The following JPT2 variants were observed in gnomAD, a reference collection of about 807,000 sequenced individuals.
JPT2 encodes Jupiter microtubule associated homolog 2.
Under a neutral mutation model 15.9 loss-of-function variants are expected in JPT2, and 9 were observed. The observed-to-expected ratio is 0.57, with a 90% CI of 0.34 to 0.99. JPT2 has a LOEUF of 0.99. JPT2 is among the 50% of genes least tolerant of loss of function. The pLI, the probability that JPT2 is intolerant of heterozygous loss-of-function variation, is 0.02. For missense variants in JPT2, 267 were observed against 252.1 expected (o/e 1.06, Z -0.40); for synonymous variants, 95 against 91.7 (o/e 1.04, Z -0.21).
chr16:1,683,191 T>G (rs1261116126), intron 1 of JPT2, among the ~76,000 whole-genome samples: 2 of 152,156 alleles, frequency 1.3e-5, no homozygotes, highest in Non-Finnish European at 2.9e-5. Context: ...TTAGCCAGGA[T>G]GGTCTCGATC....
Position 1,700,800 on chromosome 16 carries a change from T to C in JPT2, c.*1802T>C, listed in dbSNP as rs535440568. On this transcript the variant is annotated 3_prime_UTR_variant, in exon 5 of 5. Transcript: ENST00000248098. ...AATGATTCACGAATTCCAAATCAGA[T>C]TGCCAGGAAGAAATAGGACGTGACG... The C allele has an allele frequency of 2.6e-5, 4 of 152,584 alleles. No individual in the cohort carries two copies. In the East Asian group the frequency reaches 5.8e-4, roughly 22 times the overall value. 9.5% of individuals were successfully genotyped at this position (152,584 alleles called of 1,614,324 possible).
In JPT2 at chr16:1,698,531, T is replaced by A. The variant is rs922548873; in HGVS notation, c.386-280T>A. 2.0e-5 allele frequency among the ~76,000 whole-genome samples: 3 copies of A among 152,180 alleles called. No homozygotes were observed. Among genetic ancestry groups the A allele is most frequent in the African/African-American group, 7.2e-5 (3 of 41,448 alleles). ...TGAGATGGAAGAAATGGGAGTGGTG[T>A]CTAACAAGCAATATAAAGAAACAAT... On this transcript the variant is annotated intron_variant, in intron 4 of 4. Coordinates refer to ENST00000248098, the MANE Select transcript of JPT2 (RefSeq NM_144570.3). This position sits in a 1 kb window ranked among gnomAD's most constrained non-coding sequence, Gnocchi z 4.9.
intron 2 of JPT2, chr16:1,689,086 G>A (rs1241333593): frequency 3.3e-5 from 5 of 152,204 alleles, no homozygotes; most frequent in Admixed American, 3.3e-4. Context: ...TGTCTGCCTT[G>A]TAGTTATTTG....
chr16:1,678,391 G>C (rs1017548198), intron 1 of JPT2, 35 bp downstream of exon 1: 33 of 1,227,246 alleles, frequency 2.7e-5, no homozygotes, highest in Non-Finnish European at 3.3e-5. Flanking sequence ...CGGGCGGATA[G>C]CGCGACCACG....
chr16:1,695,356 G>T (rs1468068297), intron 3 of JPT2, among the ~76,000 whole-genome samples: 2 of 151,032 alleles, frequency 1.3e-5, no homozygotes, highest in African/African-American at 2.4e-5. Context: ...AGTGAGCTGA[G>T]ATCGTGCTAT....
At position 1,700,081 on chromosome 16, in the gene JPT2, T is replaced by C. The variant is rs911496727; in HGVS notation, c.*1083T>C. On this transcript the variant is annotated 3_prime_UTR_variant, in exon 5 of 5. Coordinates refer to ENST00000248098, the MANE Select transcript of JPT2 (RefSeq NM_144570.3). Reference sequence around the variant, plus strand: ...TTTCTGACACCTTTCCAGAAAAAAGTCAATTGTTCAGGTACACCAAAGAGG... The same window carrying C: ...TTTCTGACACCTTTCCAGAAAAAAGCCAATTGTTCAGGTACACCAAAGAGG... 1.4e-5 allele frequency: 6 copies of C among 443,852 alleles called. No individual in the cohort carries two copies. Among genetic ancestry groups the C allele is most frequent in the Non-Finnish European group, 2.8e-5 (6 of 217,994 alleles). 27.5% of individuals were successfully genotyped at this position (443,852 alleles called of 1,614,324 possible). A position where few individuals can be genotyped will look rare whatever the true frequency, so the allele number is the denominator to read the frequency against.
rs2037011841 is a variant in JPT2 at position 1,680,298 on chromosome 16, A to G, written c.44+1942A>G. 3 of 993,888 alleles carry G rather than the reference A, an allele frequency of 3.0e-6. No homozygotes were observed. The African/African-American group carries it at 5.2e-5, about 17-fold the overall frequency. The allele number at this position is 993,888 out of a possible 1,614,324, so 61.6% of individuals were successfully genotyped here. ...CCTGGCACTGGCTGCCCGGTAAATG[A>G]TGGTGTTTATTATCACCCTGAGCGA... On this transcript the variant is annotated intron_variant, in intron 1 of 4. Transcript: ENST00000248098.
chr16:1,679,777 A>G (rs900443098), intron 1 of JPT2, among the ~76,000 whole-genome samples: 3 of 151,040 alleles, frequency 2.0e-5, no homozygotes, highest in African/African-American at 4.9e-5. Context: ...TACCCGTGGC[A>G]GGGTGCAGTG....
At chr16:1,681,235 C>T (rs890038493) in intron 1 of JPT2, among the ~76,000 whole-genome samples, 1 of 152,166 alleles carries the variant, frequency 6.6e-6, no homozygotes, top group African/African-American at 2.4e-5. Flanking sequence ...ACGCTCAGTT[C>T]CATTCATCCG....
intron 1 of JPT2, among the ~76,000 whole-genome samples, chr16:1,679,675 C>G (rs1433628738): frequency 6.9e-6 from 1 of 144,310 alleles, no homozygotes; most frequent in Non-Finnish European, 1.5e-5. Context: ...CCAGCCTGTA[C>G]GACAGAGCAA....
chr16:1,691,838 T>C lies in JPT2; in HGVS notation c.194-5T>C. 1 of 1,612,822 alleles carries C rather than the reference T, an allele frequency of 6.2e-7. No homozygotes were observed. The highest frequency in any genetic ancestry group is 1.1e-5 in the South Asian group (1 of 91,012). On this transcript the variant is annotated splice_polypyrimidine_tract_variant and splice_region_variant and intron_variant, in intron 2 of 4. Coordinates refer to ENST00000248098, the MANE Select transcript of JPT2 (RefSeq NM_144570.3). ...TTGCTCAGTGTTCTGTGATCGTTTC[T>C]GCAGGGGGTAAAGGAAGTGGTATCT...
chr16:1,681,386 G>A (rs1309883489), intron 1 of JPT2, among the ~76,000 whole-genome samples: 14 of 152,270 alleles, frequency 9.2e-5, no homozygotes, highest in Admixed American at 9.1e-4. Flanking sequence ...ACCGTCTTTG[G>A]TACCACTTTT....
chr16:1,699,204 A>C lies in JPT2; in HGVS notation c.*206A>C. 3.4e-6 allele frequency: 2 copies of C among 596,688 alleles called. No homozygotes were observed. Among genetic ancestry groups the C allele is most frequent in the East Asian group, 3.6e-5 (1 of 27,998 alleles). The allele number at this position is 596,688 out of a possible 1,614,324, so 37.0% of individuals were successfully genotyped here. A position where few individuals can be genotyped will look rare whatever the true frequency, so the allele number is the denominator to read the frequency against. ...TGGGAGATGCCTCTGTGGGGATGAA[A>C]TGGGGCACCCCTGGCCATCACTCAT... On this transcript the variant is annotated 3_prime_UTR_variant, in exon 5 of 5. Coordinates refer to ENST00000248098, the MANE Select transcript of JPT2 (RefSeq NM_144570.3).
intron 1 of JPT2, among the ~76,000 whole-genome samples, chr16:1,678,942 C>T (rs929005441): frequency 6.6e-6 from 1 of 152,214 alleles, no homozygotes; most frequent in Non-Finnish European, 1.5e-5. Flanking sequence ...TGGAAAGTGC[C>T]AGGGCGTCTG....
At chr16:1,683,414 C>T in intron 1 of JPT2, 6 of 598,110 alleles carry the variant, frequency 1.0e-5, no homozygotes, top group African/African-American at 1.9e-5. Flanking sequence ...CCCGGACAGC[C>T]CTTTCTCATT....
Position 1,699,317 on chromosome 16 carries a change from C to T in JPT2, c.*319C>T, listed in dbSNP as rs1259204341. 1 of 546,982 alleles carries T rather than the reference C, an allele frequency of 1.8e-6. No individual in the cohort carries two copies. The highest frequency in any genetic ancestry group is 2.7e-4 in the Middle Eastern group (1 of 3,642). 33.9% of individuals were successfully genotyped at this position (546,982 alleles called of 1,614,324 possible). The stretch of plus-strand genomic sequence containing the variant: ...GGTCCTTGGATCAACAGCCCGCCAG[C>T]TGATTGGATGTCTAGGAATGACTGA... On this transcript the variant is annotated 3_prime_UTR_variant, in exon 5 of 5. Transcript: ENST00000248098.
Position 1,697,805 on chromosome 16 carries a change from G to C in JPT2, c.337-7G>C, listed in dbSNP as rs769771156. On this transcript the variant is annotated splice_polypyrimidine_tract_variant and splice_region_variant and intron_variant, in intron 3 of 4. Coordinates refer to ENST00000248098, the MANE Select transcript of JPT2 (RefSeq NM_144570.3). ...GAGTCCTGATTTGGTGGTTTGCCTT[G>C]TTGCAGGATCATGTTTTCTTATGTG... The C allele has an allele frequency of 6.2e-7, 1 of 1,613,796 alleles. No individual in the cohort carries two copies. The highest frequency in any genetic ancestry group is 1.7e-5 in the Admixed American group (1 of 59,938).
chr16:1,685,440 G>A lies in JPT2; in HGVS notation c.46G>A (p.Ala16Thr), dbSNP rs2037057083. 6.2e-7 allele frequency: 1 copy of A among 1,614,084 alleles called. No homozygotes were observed. The highest frequency in any genetic ancestry group is 8.5e-7 in the Non-Finnish European group (1 of 1,179,978). The change falls in exon 2 of 5, where the codon GCC (alanine) becomes ACC (threonine). Residue 16 changes from alanine (A) to threonine (T), a missense_variant and splice_region_variant. Physicochemically the swap from Ala to Thr is moderately conservative, Grantham distance 58. Transcript: ENST00000248098. ...DSEGGRAGSRAMKPPGGESSN... is the reference protein window; with the variant it reads ...DSEGGRAGSRTMKPPGGESSN... ...TTGGCATGTACTCTGTGCTTGTAGG[G>A]CCATGAAGCCCCCAGGAGGAGAATC... is the stretch of plus-strand genomic sequence containing the variant.
rs1323409694 is a variant in JPT2, at chr16:1,698,441, GCC to G, written c.386-368_386-367del. 1.4e-4 allele frequency among the ~76,000 whole-genome samples: 22 copies of G among 152,276 alleles called. No individual in the cohort carries two copies. In the South Asian group the frequency reaches 4.6e-3, roughly 32 times the overall value. On this transcript the variant is annotated intron_variant, in intron 4 of 4. Coordinates refer to ENST00000248098, the MANE Select transcript of JPT2 (RefSeq NM_144570.3). This position sits in a 1 kb window ranked among gnomAD's most constrained non-coding sequence, Gnocchi z 4.9. ...ACAGAGCCTGCCTTTGCCTTGCTAAGCCCTCACCTAGGATGCATTCCCTCGCC... is the reference window on the plus strand; with the variant it reads ...ACAGAGCCTGCCTTTGCCTTGCTAAGCTCACCTAGGATGCATTCCCTCGCC...
Sources: allele counts gnomAD v4.1 joint callset (sites outside exome capture counted in the v4.1 genomes callset), GRCh38; gene constraint gnomAD v4.1.1; non-coding constraint Gnocchi (gnomAD v3.1); transcripts MANE v1.5; gene names NCBI Gene and HGNC (gene_info 2026-07-23, HGNC 2026-07-21).